The following SIRT5 variants were observed in gnomAD, a reference collection of about 807,000 sequenced individuals.
SIRT5 encodes the protein sirtuin 5, also known as NAD-dependent protein deacylase sirtuin-5, mitochondrial.
A neutral mutation model predicts 40.0 loss-of-function variants in SIRT5; 26 were observed. The observed-to-expected ratio is 0.65, with a 90% CI of 0.48 to 0.90. The LOEUF (loss-of-function observed/expected upper bound fraction) is 0.90, where lower values mean the gene tolerates loss of function less well. SIRT5 is among the 40% of genes least tolerant of loss of function. The pLI, the probability that SIRT5 is intolerant of heterozygous loss-of-function variation, is 0.00. For missense variants in SIRT5, 401 were observed against 402.4 expected (o/e 1.00, Z 0.03); for synonymous variants, 146 against 149.1 (o/e 0.98, Z 0.15).
chr6:13,594,095 C>G (rs892422017), intron 5 of SIRT5, among the ~76,000 whole-genome samples: 1 of 152,184 alleles, frequency 6.6e-6, no homozygotes, highest in Non-Finnish European at 1.5e-5. Flanking sequence ...ACAGCCAAAA[C>G]TTGCTTTCCT....
intron 2 of SIRT5, among the ~76,000 whole-genome samples, chr6:13,579,924 GA>G (rs1759112817): frequency 6.6e-6 from 1 of 152,194 alleles, no homozygotes; most frequent in Non-Finnish European, 1.5e-5. Context: ...CAGGTAAATT[GA>G]AGTTTGTCAA....
intron 4 of SIRT5, among the ~76,000 whole-genome samples, chr6:13,590,706 T>C (rs1562268841): frequency 6.6e-6 from 1 of 151,552 alleles, no homozygotes; most frequent in East Asian, 2.0e-4. Flanking sequence ...TATGTGTGTA[T>C]GTTTAGTTGT....
At chr6:13,601,387 G>A (rs1409484146) in intron 9 of SIRT5, among the ~76,000 whole-genome samples, 2 of 152,170 alleles carry the variant, frequency 1.3e-5, no homozygotes, top group African/African-American at 4.8e-5. Context: ...ATTTGTATCT[G>A]TGGCCATATT....
chr6:13,587,305 C>T (rs1249279131), intron 3 of SIRT5, among the ~76,000 whole-genome samples: 1 of 152,154 alleles, frequency 6.6e-6, no homozygotes, highest in Non-Finnish European at 1.5e-5. Flanking sequence ...TTCTGGCTTT[C>T]CAGGGCCACA....
At chr6:13,603,286 A>C (rs1282078886) in intron 9 of SIRT5, among the ~76,000 whole-genome samples, 1 of 151,638 alleles carries the variant, frequency 6.6e-6, no homozygotes, top group Non-Finnish European at 1.5e-5. Flanking sequence ...CAAAAAAAAA[A>C]AAAAAAAAAA....
Position 13,598,953 on chromosome 6 carries a change from T to C in SIRT5, c.618-79T>C, listed in dbSNP as rs983644496. The C allele has an allele frequency of 3.8e-6, 6 of 1,561,356 alleles. No homozygotes were observed. The Admixed American group carries it at 1.0e-4, about 27-fold the overall frequency. On this transcript the variant is annotated intron_variant, in intron 7 of 9. Transcript: ENST00000606117. The stretch of plus-strand genomic sequence containing the variant: ...GGTGACCCATCTGGATGTACTAGGT[T>C]TGGGGCAGCCCCTGGCCTCCCTCCG...
At chr6:13,596,176 AGGAGT>A (rs1289671504) in intron 6 of SIRT5, among the ~76,000 whole-genome samples, 1 of 152,200 alleles carries the variant, frequency 6.6e-6, no homozygotes, top group Non-Finnish European at 1.5e-5. Context: ...AAGGAATATC[AGGAGT>A]GGAGGGATTA....
chr6:13,588,071 A>T (rs1238693701), intron 3 of SIRT5, among the ~76,000 whole-genome samples: 1 of 152,168 alleles, frequency 6.6e-6, no homozygotes, highest in Non-Finnish European at 1.5e-5. Context: ...TACGTAACTT[A>T]TGTAAGATCA....
At chr6:13,582,855 C>T (rs923081669) in intron 2 of SIRT5, among the ~76,000 whole-genome samples, 1 of 152,164 alleles carries the variant, frequency 6.6e-6, no homozygotes, top group African/African-American at 2.4e-5. Context: ...ATACTATTGT[C>T]ACAGTACACT....
At chr6:13,597,100 T>C (rs1761657160) in intron 7 of SIRT5, 84 bp downstream of exon 7, 1 of 1,052,612 alleles carries the variant, frequency 9.5e-7, no homozygotes, top group Non-Finnish European at 1.4e-6. Flanking sequence ...AAACATGTAT[T>C]TGGCAAGACG....
Position 13,588,323 on chromosome 6 carries a change from C to T in SIRT5, c.116-8C>T. On this transcript the variant is annotated splice_region_variant and splice_polypyrimidine_tract_variant and intron_variant, in intron 3 of 9. Transcript: ENST00000606117. ...ACACTGGATTGATAAAGATTTCACT[C>T]TGTTTAGGTATGGCAGATTTTCGAA... 1 of 1,611,308 alleles carries T rather than the reference C, an allele frequency of 6.2e-7. No individual in the cohort carries two copies.
At chr6:13,604,798 G>T in intron 9 of SIRT5, 1 of 1,120,064 alleles carries the variant, frequency 8.9e-7, no homozygotes, top group Non-Finnish European at 1.1e-6. Flanking sequence ...TGTTTCAGCT[G>T]CTACTTCAGC....
chr6:13,583,286 GTTCT>G (rs1759604670), intron 2 of SIRT5, among the ~76,000 whole-genome samples: 1 of 124,554 alleles, frequency 8.0e-6, no homozygotes, highest in African/African-American at 3.1e-5. Flanking sequence ...TTTCTTCTTT[GTTCT>G]TTTTTTTTTT....
At chr6:13,576,814 G>A (rs1211534134) in intron 1 of SIRT5, among the ~76,000 whole-genome samples, 1 of 152,164 alleles carries the variant, frequency 6.6e-6, no homozygotes. Flanking sequence ...TCTATTTTGA[G>A]TTGATTTTTG....
At chr6:13,608,625 C>G (rs998918324) in intron 9 of SIRT5, among the ~76,000 whole-genome samples, 1 of 151,434 alleles carries the variant, frequency 6.6e-6, no homozygotes, top group Non-Finnish European at 1.5e-5. Flanking sequence ...AAATCTTTTA[C>G]TGACTACCTA....
At chr6:13,574,475 C>A (rs887307550), upstream of SIRT5, 1 of 150,242 alleles carries the variant, frequency 6.7e-6, no homozygotes, top group African/African-American at 2.5e-5. Flanking sequence ...ATGCGCGGCC[C>A]GGCCTCTGCC....
chr6:13,580,661 C>T (rs1400898698), intron 2 of SIRT5, among the ~76,000 whole-genome samples: 3 of 152,250 alleles, frequency 2.0e-5, no homozygotes, highest in East Asian at 1.9e-4. Context: ...CCCTCACTCT[C>T]GCTCCTGCTC....
At position 13,592,286 on chromosome 6, in the gene SIRT5, C is replaced by T. The variant is rs548438100; in HGVS notation, c.475+392C>T. On this transcript the variant is annotated intron_variant, in intron 5 of 9. Transcript: ENST00000606117. Reference sequence around the variant, plus strand: ...TGGCGTGCTTTTTATACTGGAGGAACGCTGGGGTGCACAGCTGCGTGACCC... The same window carrying T: ...TGGCGTGCTTTTTATACTGGAGGAATGCTGGGGTGCACAGCTGCGTGACCC... Among the ~76,000 whole-genome samples the T allele has an allele frequency of 4.6e-5, 7 of 152,318 alleles. No individual in the cohort carries two copies. The South Asian group carries it at 1.4e-3, about 32-fold the overall frequency.
At chr6:13,605,547 G>T in intron 9 of SIRT5, 4 of 985,416 alleles carry the variant, frequency 4.1e-6, no homozygotes, top group Non-Finnish European at 4.8e-6. Context: ...AAGTTGTTCA[G>T]ATTCTTTGCC....
Sources: gnomAD v4.1 joint callset for allele counts (sites outside exome capture counted in the v4.1 genomes callset) on GRCh38, gnomAD v4.1.1 for gene constraint, MANE v1.5 for transcripts, NCBI Gene and HGNC (gene_info 2026-07-23, HGNC 2026-07-21) for gene names.